The following NCK1 variants were observed in gnomAD, a reference collection of about 807,000 sequenced individuals.
NCK1 encodes the protein NCK adaptor protein 1, also known as SH2/SH3 adapter protein NCK1.
In NCK1, 19 loss-of-function variants were observed where a neutral mutation model predicts 36.6. The ratio of observed to expected loss-of-function variants is 0.52; its 90% CI spans 0.36 to 0.76. The LOEUF is 0.76. Among genes scored for constraint, NCK1 ranks in the 30% least tolerant of loss-of-function variants. The probability of loss-of-function intolerance (pLI) is 0.00; values close to 1 mark genes in which losing one functional copy is unlikely to be tolerated. For missense variants in NCK1, 358 were observed against 445.6 expected, an observed-to-expected ratio of 0.80 and a Z score of 1.77; for synonymous variants, 165 against 156.0, an observed-to-expected ratio of 1.06 and a Z score of -0.43.
chr3:136,880,129 A>G (rs1490932809), intron 1 of NCK1, among the ~76,000 whole-genome samples: 1 of 151,860 alleles, frequency 6.6e-6, no homozygotes, highest in African/African-American at 2.4e-5. Context: ...CTAAAAATAC[A>G]AAAAAATTAG....
chr3:136,896,281 A>G (rs890332489), intron 1 of NCK1, among the ~76,000 whole-genome samples: 2 of 152,164 alleles, frequency 1.3e-5, no homozygotes, highest in African/African-American at 4.8e-5. Flanking sequence ...ACCTCTTTTC[A>G]TTACCTACCA....
At chr3:136,893,756 C>T (rs907250276) in intron 1 of NCK1, among the ~76,000 whole-genome samples, 1 of 152,210 alleles carries the variant, frequency 6.6e-6, no homozygotes, top group Non-Finnish European at 1.5e-5. Flanking sequence ...CAAGTCTTGA[C>T]ATCTTCCATG....
In NCK1 at chr3:136,945,702, A is replaced by G. The variant is rs141442402; in HGVS notation, c.346A>G (p.Asn116Asp). 9.3e-6 allele frequency: 15 copies of G among 1,614,042 alleles called. No homozygotes were observed. The highest frequency in any genetic ancestry group is 1.7e-5 in the Admixed American group (1 of 60,004). Reference sequence around the variant, plus strand: ...CAACATGCCCGCTTATGTGAAATTTAACTACATGGCTGAGAGAGAGGATGA... The same window carrying G: ...CAACATGCCCGCTTATGTGAAATTTGACTACATGGCTGAGAGAGAGGATGA... ...DLNMPAYVKF[N>D]YMAEREDELS... The change falls in exon 3 of 4, where the codon AAC (asparagine) becomes GAC (aspartate). Residue 116 changes from asparagine to aspartate, a missense_variant. Asn to Asp is a conservative substitution (Grantham distance 23). This residue lies in a region of NCK1 where 143 missense variants were observed against 162.4 expected (regional missense o/e 0.88). Transcript: ENST00000481752.
intron 2 of NCK1, among the ~76,000 whole-genome samples, chr3:136,941,088 T>TTA (rs1244174060): frequency 9.9e-5 from 15 of 151,566 alleles, no homozygotes; most frequent in Non-Finnish European, 1.9e-4. Flanking sequence ...AATTCTTCTA[T>TTA]TACTGTCTTC....
chr3:136,939,854 TTTTTTTTTA>T (rs1940624422), intron 2 of NCK1, among the ~76,000 whole-genome samples: 1 of 61,706 alleles, frequency 1.6e-5, no homozygotes, highest in African/African-American at 5.5e-5. Flanking sequence ...TTTTTTTTTT[TTTTTTTTTA>T]AAATAGAGAC....
intron 1 of NCK1, among the ~76,000 whole-genome samples, chr3:136,879,463 CAG>C (rs908041734): frequency 2.6e-5 from 4 of 152,238 alleles, no homozygotes; most frequent in Admixed American, 2.0e-4. Context: ...ATTACTGTAA[CAG>C]AATCTAAAAT....
intron 1 of NCK1, among the ~76,000 whole-genome samples, chr3:136,893,770 A>G (rs1939319243): frequency 6.6e-6 from 1 of 152,184 alleles, no homozygotes; most frequent in Admixed American, 6.5e-5. Context: ...TTCCATGGAA[A>G]TTTGAGAAGG....
intron 1 of NCK1, among the ~76,000 whole-genome samples, chr3:136,864,731 A>C (rs994267910): frequency 1.1e-4 from 17 of 150,254 alleles, no homozygotes; most frequent in Admixed American, 2.7e-4. Flanking sequence ...ATACTTAGTG[A>C]TACTTCATGG....
chr3:136,891,427 G>T (rs904755548), intron 1 of NCK1, among the ~76,000 whole-genome samples: 2 of 152,210 alleles, frequency 1.3e-5, no homozygotes, highest in Admixed American at 1.3e-4. Flanking sequence ...GAGCCACCAC[G>T]CCTGGCCTGA....
chr3:136,862,743 G>T (rs572382024), intron 1 of NCK1, among the ~76,000 whole-genome samples: 1 of 152,358 alleles, frequency 6.6e-6, no homozygotes, highest in African/African-American at 2.4e-5. Flanking sequence ...GTAATCCGAG[G>T]CCGGGAAGGT....
intron 2 of NCK1, among the ~76,000 whole-genome samples, chr3:136,945,014 A>G (rs1940774315): frequency 6.6e-6 from 1 of 152,238 alleles, no homozygotes. Flanking sequence ...AGGGGAGAAA[A>G]ACAAATAATA....
At chr3:136,892,654 A>G (rs930917767) in intron 1 of NCK1, among the ~76,000 whole-genome samples, 2 of 150,364 alleles carry the variant, frequency 1.3e-5, no homozygotes, top group African/African-American at 2.4e-5. Flanking sequence ...GCAAATGCCA[A>G]ACAGGCCTGT....
At chr3:136,932,644 ACTT>A (rs1472379239) in intron 2 of NCK1, among the ~76,000 whole-genome samples, 2 of 152,172 alleles carry the variant, frequency 1.3e-5, no homozygotes, top group Non-Finnish European at 2.9e-5. Flanking sequence ...ATATAACTGA[ACTT>A]CTCTGATTTT....
At chr3:136,898,724 G>T (rs892068028) in intron 1 of NCK1, among the ~76,000 whole-genome samples, 10 of 152,156 alleles carry the variant, frequency 6.6e-5, no homozygotes, top group African/African-American at 1.9e-4. Context: ...AAACTGAACG[G>T]TTAACGTTAA....
rs1224618403 is a variant in NCK1 at position 136,949,149 on chromosome 3, T to G, written c.*696T>G. On this transcript the variant is annotated 3_prime_UTR_variant, in exon 4 of 4. Coordinates refer to ENST00000481752, the MANE Select transcript of NCK1 (RefSeq NM_001291999.2). ...CCAGTGCTTCTCCCTCATCTGGTTA[T>G]TCAAGAAAACAAAACAGTCTCTGAG... The G allele has an allele frequency of 2.0e-5, 3 of 152,286 alleles. No individual in the cohort carries two copies. Among genetic ancestry groups the G allele is most frequent in the Admixed American group, 1.3e-4 (2 of 15,292 alleles). The allele number at this position is 152,286 out of a possible 1,614,324, so 9.4% of individuals were successfully genotyped here.
chr3:136,918,338 T>G (rs1193130644), intron 1 of NCK1, among the ~76,000 whole-genome samples: 2 of 148,482 alleles, frequency 1.3e-5, no homozygotes, highest in Non-Finnish European at 3.0e-5. Context: ...TAAAAAATAT[T>G]CTGGAAAAAA....
intron 1 of NCK1, among the ~76,000 whole-genome samples, chr3:136,880,233 C>T (rs1338985051): frequency 2.6e-5 from 4 of 150,970 alleles, no homozygotes; most frequent in African/African-American, 4.9e-5. Context: ...TGCAGTGAGC[C>T]GAGATCATGC....
intron 1 of NCK1, among the ~76,000 whole-genome samples, chr3:136,920,773 G>C (rs979060164): frequency 2.0e-5 from 3 of 152,020 alleles, no homozygotes; most frequent in African/African-American, 7.2e-5. Context: ...TTATGAAAAC[G>C]TGTAACATAA....
intron 1 of NCK1, chr3:136,899,237 A>G: frequency 3.8e-6 from 1 of 261,210 alleles, no homozygotes; most frequent in South Asian, 5.1e-5. Context: ...TTTCAGCTGA[A>G]GGACTGCATA....
Sources: gnomAD v4.1 joint callset for allele counts (sites outside exome capture counted in the v4.1 genomes callset) on GRCh38, gnomAD v4.1.1 for gene constraint, gnomAD v4.1.1 regional missense constraint, MANE v1.5 for transcripts, NCBI Gene and HGNC (gene_info 2026-07-23, HGNC 2026-07-21) for gene names.